The following DCC variants were observed in gnomAD, a reference collection of about 807,000 sequenced individuals.
DCC encodes DCC netrin 1 receptor.
Under a neutral mutation model 172.5 loss-of-function variants are expected in DCC, and 58 were observed. The observed-to-expected ratio is 0.34, with a 90% confidence interval of 0.27 to 0.42. The LOEUF is 0.42. Among genes scored for constraint, DCC ranks in the 10% least tolerant of loss-of-function variants. DCC has a pLI of 1.00. For synonymous variants in DCC, 709 were observed against 644.5 expected (o/e 1.10, Z -1.52); for missense variants, 1,740 against 1,791.0 (o/e 0.97, Z 0.51).
chr18:52,777,767 A>G (rs1018557901), intron 2 of DCC, among the ~76,000 whole-genome samples: 1 of 151,648 alleles, frequency 6.6e-6, no homozygotes, highest in Non-Finnish European at 1.5e-5. Flanking sequence ...GCAGATCTCC[A>G]GGGAAAAAAA....
At chr18:52,644,913 A>C (rs546267152) in intron 1 of DCC, among the ~76,000 whole-genome samples, 1 of 152,224 alleles carries the variant, frequency 6.6e-6, no homozygotes, top group South Asian at 2.1e-4. Flanking sequence ...CTACTCTAAA[A>C]AGTATATTCA....
chr18:53,346,803 C>T (rs1460380347), intron 15 of DCC, among the ~76,000 whole-genome samples: 1 of 152,044 alleles, frequency 6.6e-6, no homozygotes, highest in Non-Finnish European at 1.5e-5. Context: ...TGAGAATGGA[C>T]TATATTTACC....
intron 5 of DCC, among the ~76,000 whole-genome samples, chr18:52,929,575 T>G (rs1215956333): frequency 3.3e-5 from 5 of 152,082 alleles, no homozygotes; most frequent in Non-Finnish European, 7.4e-5. Context: ...CTGCCATACT[T>G]CGAATCTGTA....
At chr18:53,169,021 T>C (rs1483015124) in intron 8 of DCC, among the ~76,000 whole-genome samples, 5 of 152,210 alleles carry the variant, frequency 3.3e-5, no homozygotes, top group South Asian at 4.1e-4. Context: ...GCTATTATTA[T>C]AATGCAATAC....
At chr18:53,071,888 G>C (rs1184658742) in intron 7 of DCC, among the ~76,000 whole-genome samples, 1 of 152,148 alleles carries the variant, frequency 6.6e-6, no homozygotes, top group Non-Finnish European at 1.5e-5. Flanking sequence ...CAGCACCTTG[G>C]GAGGACAAGG....
At chr18:52,455,994 AG>A (rs957590971) in intron 1 of DCC, among the ~76,000 whole-genome samples, 5 of 152,214 alleles carry the variant, frequency 3.3e-5, no homozygotes, top group African/African-American at 7.2e-5. Context: ...AAACAAAAAA[AG>A]GTTAACTTTT....
rs113397806 is a variant in DCC at position 53,128,706 on chromosome 18, G to A, written c.1262-28650G>A. Among the ~76,000 whole-genome samples the A allele has an allele frequency of 9.6e-3, 1,456 of 151,662 alleles. 33 individuals carry two copies. The highest frequency in any genetic ancestry group is 0.033 in the African/African-American group (1,353 of 41,362). ...GAAAGTGGAAGGATAAGGCTAGGGAGGAAGGAGGCAAAGGAAAATTATACT... is the reference window on the plus strand; with the variant it reads ...GAAAGTGGAAGGATAAGGCTAGGGAAGAAGGAGGCAAAGGAAAATTATACT... On this transcript the variant is annotated intron_variant, in intron 7 of 28. Coordinates refer to ENST00000442544, the MANE Select transcript of DCC (RefSeq NM_005215.4).
intron 1 of DCC, among the ~76,000 whole-genome samples, chr18:52,642,800 A>G (rs2034935830): frequency 6.6e-6 from 1 of 152,134 alleles, no homozygotes; most frequent in South Asian, 2.1e-4. Flanking sequence ...CCTAGTTGCG[A>G]CTATGGGTTT....
At chr18:53,009,704 TTG>T (rs1320127187) in intron 5 of DCC, among the ~76,000 whole-genome samples, 2 of 151,974 alleles carry the variant, frequency 1.3e-5, no homozygotes, top group Non-Finnish European at 2.9e-5. Context: ...CATTTAGTGG[TTG>T]TGTTAAAATT....
intron 2 of DCC, among the ~76,000 whole-genome samples, chr18:52,772,992 C>A (rs559472407): frequency 6.6e-6 from 1 of 152,254 alleles, no homozygotes; most frequent in South Asian, 2.1e-4. Context: ...GGCATAGATC[C>A]TTGATGGCAG....
intron 7 of DCC, among the ~76,000 whole-genome samples, chr18:53,118,643 T>C (rs920649536): frequency 5.3e-5 from 8 of 151,834 alleles, no homozygotes; most frequent in South Asian, 2.1e-4. Context: ...GGGGACAATA[T>C]ACATTAAGTC....
Position 53,231,715 on chromosome 18 carries a change from A to T in DCC, c.1911+16118A>T, listed in dbSNP as rs77857074. ...TTTTAACTGTGTGGGTGTTACACAA[A>T]TTCTATTTAATCCTCAGTGTGTTAG... On this transcript the variant is annotated intron_variant, in intron 12 of 28. Coordinates refer to ENST00000442544, the MANE Select transcript of DCC (RefSeq NM_005215.4). Among the ~76,000 whole-genome samples, 26 of 152,236 alleles carry T rather than the reference A, an allele frequency of 1.7e-4. 1 individual carries two copies. The East Asian group carries it at 5.0e-3, about 29-fold the overall frequency.
rs377054538 is a variant in DCC at position 53,372,154 on chromosome 18, CAT to C, written c.2360-13888_2360-13887del. On this transcript the variant is annotated intron_variant, in intron 15 of 28. Coordinates refer to ENST00000442544, the MANE Select transcript of DCC (RefSeq NM_005215.4). ...TATAAATTGTTCTACCATAAAGACA[CAT>C]GTGTGTGTATGTTCATTGTTGTACT... is the stretch of plus-strand genomic sequence containing the variant. Among the ~76,000 whole-genome samples, 6 of 152,176 alleles carry C rather than the reference CAT, an allele frequency of 3.9e-5. No homozygotes were observed. The East Asian group carries it at 9.6e-4, about 24-fold the overall frequency.
chr18:52,599,026 C>A (rs138209314), intron 1 of DCC, among the ~76,000 whole-genome samples: 1 of 152,316 alleles, frequency 6.6e-6, no homozygotes, highest in African/African-American at 2.4e-5. Flanking sequence ...AAGGCTACAT[C>A]TCTCAACACT....
At position 52,432,105 on chromosome 18, in the gene DCC, G is replaced by C. The variant is rs114962617; in HGVS notation, c.91+91227G>C. On this transcript the variant is annotated intron_variant, in intron 1 of 28. Transcript: ENST00000442544. ...TGGCTTTTATATATTTTTTGGTCTT[G>C]TTCAAGCTTTGAAATCACTGCTGCT... 4.0e-3 allele frequency among the ~76,000 whole-genome samples: 613 copies of C among 152,172 alleles called. 9 individuals carry two copies. Among genetic ancestry groups the C allele is most frequent in the African/African-American group, 0.014 (594 of 41,504 alleles).
intron 1 of DCC, among the ~76,000 whole-genome samples, chr18:52,671,534 T>A (rs2035553148): frequency 1.1e-5 from 1 of 94,474 alleles, no homozygotes; most frequent in Non-Finnish European, 2.4e-5. Context: ...ATGCCAACCT[T>A]TTTTTTTTTT....
intron 12 of DCC, among the ~76,000 whole-genome samples, chr18:53,262,277 G>A (rs568725238): frequency 1.2e-4 from 19 of 152,126 alleles, no homozygotes; most frequent in South Asian, 1.2e-3. Flanking sequence ...ATTTTTCCTC[G>A]TAGCCTAAAA....
intron 1 of DCC, among the ~76,000 whole-genome samples, chr18:52,523,397 A>G (rs918520622): frequency 2.0e-5 from 3 of 152,166 alleles, no homozygotes; most frequent in Non-Finnish European, 2.9e-5. Flanking sequence ...GTCCCTTTCT[A>G]TTTAGTTTTA....
chr18:52,464,684 G>T (rs2144546738), intron 1 of DCC, among the ~76,000 whole-genome samples: 1 of 152,210 alleles, frequency 6.6e-6, no homozygotes, highest in Non-Finnish European at 1.5e-5. Flanking sequence ...ACTTGAGTTT[G>T]AAAGAGTAGG....
Sources: gnomAD v4.1 joint callset for allele counts (sites outside exome capture counted in the v4.1 genomes callset) on GRCh38, gnomAD v4.1.1 for gene constraint, MANE v1.5 for transcripts, NCBI Gene and HGNC (gene_info 2026-07-23, HGNC 2026-07-21) for gene names.